The following ZMAT4 variants were observed in gnomAD, a reference collection of about 807,000 sequenced individuals.
The protein encoded by ZMAT4 is zinc finger matrin-type protein 4.
Under a neutral mutation model 28.7 loss-of-function variants are expected in ZMAT4, and 17 were observed. The observed-to-expected ratio is 0.59, with a 90% confidence interval of 0.41 to 0.89. The LOEUF is 0.89. Among genes scored for constraint, ZMAT4 ranks in the 40% least tolerant of loss-of-function variants. ZMAT4 has a pLI of 0.00. For missense variants in ZMAT4, 240 were observed against 283.8 expected (o/e 0.85, Z 1.11); for synonymous variants, 117 against 109.2 (o/e 1.07, Z -0.44).
chr8:40,582,595 T>A (rs1387321158), intron 5 of ZMAT4, among the ~76,000 whole-genome samples: 1 of 152,244 alleles, frequency 6.6e-6, no homozygotes, highest in Non-Finnish European at 1.5e-5. Flanking sequence ...TTTGTTTTTA[T>A]CAATGCATAG....
At chr8:40,630,715 T>C (rs1414327268) in intron 5 of ZMAT4, among the ~76,000 whole-genome samples, 1 of 152,220 alleles carries the variant, frequency 6.6e-6, no homozygotes, top group Non-Finnish European at 1.5e-5. Flanking sequence ...CACGAATTTA[T>C]GCATACATGA....
At chr8:40,732,921 C>T (rs1811606422) in intron 3 of ZMAT4, among the ~76,000 whole-genome samples, 1 of 129,148 alleles carries the variant, frequency 7.7e-6, no homozygotes, top group Admixed American at 9.5e-5. Context: ...TCATAGCTTA[C>T]TGCATCTTCG....
At chr8:40,891,781 G>A (rs556304195) in intron 1 of ZMAT4, among the ~76,000 whole-genome samples, 14 of 152,290 alleles carry the variant, frequency 9.2e-5, no homozygotes, top group South Asian at 4.1e-4. Flanking sequence ...GCATGGAAGG[G>A]TCGCGCCTCC....
At chr8:40,753,008 T>C (rs1192971289) in intron 3 of ZMAT4, among the ~76,000 whole-genome samples, 2 of 152,140 alleles carry the variant, frequency 1.3e-5, no homozygotes, top group Non-Finnish European at 1.5e-5. Flanking sequence ...AAGCCCTGTA[T>C]GCATTAGGTA....
intron 1 of ZMAT4, among the ~76,000 whole-genome samples, chr8:40,842,172 G>A (rs1816727947): frequency 6.6e-6 from 1 of 152,184 alleles, no homozygotes; most frequent in African/African-American, 2.4e-5. Context: ...CAGCAATGGT[G>A]GTCCCCCAAG....
chr8:40,549,137 C>A (rs1034998021), intron 6 of ZMAT4, among the ~76,000 whole-genome samples: 1 of 152,256 alleles, frequency 6.6e-6, no homozygotes, highest in South Asian at 2.1e-4. Context: ...AAGGACCCAA[C>A]AAGAAGCTGC....
intron 1 of ZMAT4, among the ~76,000 whole-genome samples, chr8:40,840,345 T>A (rs1214715520): frequency 6.6e-6 from 1 of 152,184 alleles, no homozygotes; most frequent in Non-Finnish European, 1.5e-5. Context: ...CGACTCCCCA[T>A]GCAGTTGGCT....
intron 6 of ZMAT4, among the ~76,000 whole-genome samples, chr8:40,538,530 A>G (rs1220872684): frequency 6.6e-6 from 1 of 152,138 alleles, no homozygotes; most frequent in Non-Finnish European, 1.5e-5. Flanking sequence ...GGCTAAGAAT[A>G]CATCTATTTA....
intron 4 of ZMAT4, among the ~76,000 whole-genome samples, chr8:40,677,403 C>T (rs898404704): frequency 1.3e-5 from 2 of 151,980 alleles, no homozygotes; most frequent in African/African-American, 4.8e-5. Flanking sequence ...ATAAAAACAG[C>T]CTTGAATCAA....
chr8:40,683,169 T>C (rs1809249944), intron 4 of ZMAT4, among the ~76,000 whole-genome samples: 1 of 152,196 alleles, frequency 6.6e-6, no homozygotes, highest in Non-Finnish European at 1.5e-5. Context: ...GTAACTTACA[T>C]AAGAGAAGAA....
chr8:40,670,835 A>G (rs1483024258), intron 5 of ZMAT4, among the ~76,000 whole-genome samples: 1 of 152,094 alleles, frequency 6.6e-6, no homozygotes, highest in Non-Finnish European at 1.5e-5. Context: ...TTGGGAGGCC[A>G]AGGTGGGCAG....
chr8:40,545,802 G>GTACTT (rs113772468), intron 6 of ZMAT4, among the ~76,000 whole-genome samples: 8,048 of 151,860 alleles, frequency 0.053, 704 homozygotes, highest in African/African-American at 0.18. Context: ...CTCATTTTTG[G>GTACTT]TACTTTGTTA....
chr8:40,799,436 A>G (rs1327952940), intron 2 of ZMAT4, among the ~76,000 whole-genome samples: 1 of 152,234 alleles, frequency 6.6e-6, no homozygotes, highest in Non-Finnish European at 1.5e-5. Context: ...AAGACAGAAA[A>G]AGAAAGACTA....
In ZMAT4 at chr8:40,540,421, C is replaced by A. The variant is rs60785948; in HGVS notation, c.675-8183G>T. ...CATGTGACAAGGACCCCATCTTTAG[C>A]TGAACTAAAGAAAAGTCCCACAACC... On this transcript the variant is annotated intron_variant, in intron 6 of 6. Coordinates refer to ENST00000297737, the MANE Select transcript of ZMAT4 (RefSeq NM_024645.3). Among the ~76,000 whole-genome samples the A allele has an allele frequency of 2.4e-3, 372 of 152,270 alleles. 2 individuals carry two copies. Among genetic ancestry groups the A allele is most frequent in the African/African-American group, 8.3e-3 (344 of 41,554 alleles).
chr8:40,758,199 A>G (rs1056458429), intron 3 of ZMAT4, among the ~76,000 whole-genome samples: 11 of 152,098 alleles, frequency 7.2e-5, no homozygotes, highest in African/African-American at 2.7e-4. Context: ...CATCTATCCT[A>G]TTAGTTCTGT....
intron 2 of ZMAT4, among the ~76,000 whole-genome samples, chr8:40,783,872 G>A (rs762214383): frequency 6.6e-5 from 10 of 152,064 alleles, no homozygotes; most frequent in Non-Finnish European, 1.0e-4. Flanking sequence ...TTAGCTGGGC[G>A]TGGTGGCAGG....
intron 5 of ZMAT4, among the ~76,000 whole-genome samples, chr8:40,650,358 C>T (rs1479952525): frequency 6.8e-6 from 1 of 146,052 alleles, no homozygotes; most frequent in Admixed American, 6.9e-5. Context: ...CACATACACT[C>T]TCCCAAGACT....
intron 5 of ZMAT4, among the ~76,000 whole-genome samples, chr8:40,586,452 G>A (rs1328336572): frequency 1.3e-5 from 2 of 152,288 alleles, no homozygotes; most frequent in Non-Finnish European, 2.9e-5. Flanking sequence ...TATAGAAGTA[G>A]CAACAATTCA....
chr8:40,825,575 C>T lies in ZMAT4; in HGVS notation c.102G>A (p.Glu34=), dbSNP rs148540309. The change falls in exon 2 of 7, where the codon GAG becomes GAA. Residue 34 remains glutamate (E), a splice_region_variant and synonymous_variant. Coordinates refer to ENST00000297737, the MANE Select transcript of ZMAT4 (RefSeq NM_024645.3). The part of the protein sequence containing the change: ...ISESQRVAHY[E]SRKHASKVRL... ...ACAGAGTGGGAAACGCTGTCCTTAC[C>T]TCGTAGTGGGCCACACGCTGCGATT... 276 of 1,551,874 alleles carry T rather than the reference C, an allele frequency of 1.8e-4. 1 individual carries two copies. The African/African-American group carries it at 2.6e-3, about 15-fold the overall frequency.
Sources: gnomAD v4.1 joint callset for allele counts (sites outside exome capture counted in the v4.1 genomes callset) on GRCh38, gnomAD v4.1.1 for gene constraint, MANE v1.5 for transcripts, NCBI Gene and HGNC (gene_info 2026-07-23, HGNC 2026-07-21) for gene names.